AGBL4: variants seen among roughly 807,000 people sequenced by gnomAD.
The protein encoded by AGBL4 is cytosolic carboxypeptidase 6.
AGBL4 carries 58 observed loss-of-function variants against 66.4 expected under a neutral mutation model. The observed-to-expected ratio is 0.87, with a 90% CI of 0.71 to 1.09. AGBL4 has a LOEUF of 1.09. AGBL4 is among the 50% of genes least tolerant of loss of function. The probability of loss-of-function intolerance (pLI) is 0.00; values close to 1 mark genes in which losing one functional copy is unlikely to be tolerated. For synonymous variants in AGBL4, 234 were observed against 222.9 expected (o/e 1.05, Z -0.44); for missense variants, 579 against 631.0 (o/e 0.92, Z 0.88).
intron 6 of AGBL4, among the ~76,000 whole-genome samples, chr1:48,706,515 A>G (rs1017044748): frequency 6.6e-6 from 1 of 152,154 alleles, no homozygotes; most frequent in African/African-American, 2.4e-5. Context: ...ATAAAAAAAT[A>G]CAACTACAAA....
At chr1:48,639,243 T>C (rs1645717190) in intron 8 of AGBL4, among the ~76,000 whole-genome samples, 1 of 152,248 alleles carries the variant, frequency 6.6e-6, no homozygotes. Context: ...GAGTAGTACC[T>C]GCATGGGCAC....
At chr1:48,687,353 T>C (rs1646550277) in intron 6 of AGBL4, among the ~76,000 whole-genome samples, 2 of 152,068 alleles carry the variant, frequency 1.3e-5, no homozygotes, top group Admixed American at 1.3e-4. Flanking sequence ...GGCTGCTTAA[T>C]GGAGAGGAGA....
chr1:49,829,122 CT>C (rs138266721), intron 2 of AGBL4, among the ~76,000 whole-genome samples: 7,480 of 151,484 alleles, frequency 0.049, 561 homozygotes, highest in African/African-American at 0.16. Flanking sequence ...CATATGTTAA[CT>C]GCTTGAATAA....
intron 3 of AGBL4, among the ~76,000 whole-genome samples, chr1:49,446,151 C>T (rs1436374690): frequency 6.6e-6 from 1 of 152,084 alleles, no homozygotes. Flanking sequence ...ATGCCCAGCC[C>T]ATATTTTACA....
At chr1:49,969,483 G>A (rs1238804820) in intron 1 of AGBL4, among the ~76,000 whole-genome samples, 1 of 151,892 alleles carries the variant, frequency 6.6e-6, no homozygotes, top group African/African-American at 2.4e-5. Context: ...TATTCATCTG[G>A]CATAACTAAA....
chr1:50,012,527 T>A (rs991689213), intron 1 of AGBL4, among the ~76,000 whole-genome samples: 4 of 152,140 alleles, frequency 2.6e-5, no homozygotes, highest in African/African-American at 9.6e-5. Flanking sequence ...GAAAAAATTT[T>A]AAATTAGCAA....
At chr1:49,119,672 C>A (rs1473354638) in intron 4 of AGBL4, among the ~76,000 whole-genome samples, 1 of 152,156 alleles carries the variant, frequency 6.6e-6, no homozygotes, top group Non-Finnish European at 1.5e-5. Context: ...AATGTATATT[C>A]TGTTGATTTG....
At chr1:49,363,893 AT>A (rs1318483037) in intron 3 of AGBL4, among the ~76,000 whole-genome samples, 1 of 152,246 alleles carries the variant, frequency 6.6e-6, no homozygotes, top group East Asian at 1.9e-4. Flanking sequence ...ATAGCTGTAC[AT>A]AAAAAATATA....
At chr1:48,991,832 C>CT in intron 5 of AGBL4, among the ~76,000 whole-genome samples, 1 of 152,062 alleles carries the variant, frequency 6.6e-6, no homozygotes, top group Non-Finnish European at 1.5e-5. Flanking sequence ...CTGCTTAATT[C>CT]TTTTCAATTA....
At chr1:49,893,271 CA>C (rs1260867668) in intron 1 of AGBL4, among the ~76,000 whole-genome samples, 1 of 152,150 alleles carries the variant, frequency 6.6e-6, no homozygotes, top group Non-Finnish European at 1.5e-5. Flanking sequence ...AAGGACAGAG[CA>C]AGATGGCCAA....
intron 1 of AGBL4, among the ~76,000 whole-genome samples, chr1:49,878,409 C>T (rs531550087): frequency 1.1e-4 from 17 of 151,080 alleles, no homozygotes; most frequent in South Asian, 8.4e-4. Context: ...GCCTTCATTT[C>T]GTTATGTACC....
rs566481085 is a variant in AGBL4 at position 48,680,499 on chromosome 1, A to G, written c.635-17258T>C. Among the ~76,000 whole-genome samples, 67 of 152,366 alleles carry G rather than the reference A, an allele frequency of 4.4e-4. 1 individual carries two copies. Among genetic ancestry groups the G allele is most frequent in the African/African-American group, 1.6e-3 (67 of 41,586 alleles). On this transcript the variant is annotated intron_variant, in intron 6 of 13. Transcript: ENST00000371839. The stretch of plus-strand genomic sequence containing the variant: ...GACCTTGTACAAAAGAACACACAAC[A>G]AAACAGCTCTCAACACAATCACTCC...
chr1:48,852,565 G>A (rs1647057375), intron 6 of AGBL4, among the ~76,000 whole-genome samples: 1 of 152,154 alleles, frequency 6.6e-6, no homozygotes, highest in African/African-American at 2.4e-5. Flanking sequence ...AGACATTGGG[G>A]CACATAACCT....
At chr1:49,953,344 G>A (rs183217596) in intron 1 of AGBL4, among the ~76,000 whole-genome samples, 1 of 151,746 alleles carries the variant, frequency 6.6e-6, no homozygotes, top group African/African-American at 2.4e-5. Flanking sequence ...ATCTGGTTAG[G>A]TACACTTCTT....
intron 6 of AGBL4, among the ~76,000 whole-genome samples, chr1:48,690,645 T>A (rs1026775066): frequency 6.6e-6 from 1 of 152,082 alleles, no homozygotes; most frequent in Non-Finnish European, 1.5e-5. Flanking sequence ...ACTTACGTCC[T>A]ATTTTTCCAT....
At chr1:48,643,313 C>T (rs556461875) in intron 8 of AGBL4, among the ~76,000 whole-genome samples, 14 of 152,270 alleles carry the variant, frequency 9.2e-5, no homozygotes, top group Admixed American at 2.6e-4. Flanking sequence ...GCTTGTCAAG[C>T]CTGTGCTGCA....
chr1:49,053,461 A>G (rs1435754444), intron 4 of AGBL4, among the ~76,000 whole-genome samples: 1 of 152,122 alleles, frequency 6.6e-6, no homozygotes, highest in African/African-American at 2.4e-5. Context: ...TTTTTGTACC[A>G]GTCAATTGTG....
chr1:49,551,222 T>G (rs1369356237), intron 3 of AGBL4, among the ~76,000 whole-genome samples: 3 of 152,256 alleles, frequency 2.0e-5, no homozygotes, highest in Non-Finnish European at 4.4e-5. Flanking sequence ...TGAATTTCCT[T>G]GCATTGGGCT....
At chr1:48,901,743 G>C (rs1652100039) in intron 5 of AGBL4, among the ~76,000 whole-genome samples, 1 of 152,186 alleles carries the variant, frequency 6.6e-6, no homozygotes. Flanking sequence ...ATGTGGGGAT[G>C]AGTGGGAATA....
Sources: allele counts gnomAD v4.1 joint callset (sites outside exome capture counted in the v4.1 genomes callset), GRCh38; gene constraint gnomAD v4.1.1; transcripts MANE v1.5; gene names NCBI Gene and HGNC (gene_info 2026-07-23, HGNC 2026-07-21).